C10orf90: variants seen among roughly 807,000 people sequenced by gnomAD.
C10orf90 encodes the protein (E2-independent) E3 ubiquitin-conjugating enzyme FATS.
In C10orf90, 56 loss-of-function variants were observed where a neutral mutation model predicts 62.5. The observed-to-expected ratio is 0.90, with a 90% CI of 0.72 to 1.12. The LOEUF (loss-of-function observed/expected upper bound fraction) is 1.12. Among genes scored for constraint, C10orf90 ranks in the 50% most tolerant of loss-of-function variants. The probability of loss-of-function intolerance (pLI) is 0.00; values close to 1 mark genes in which losing one functional copy is unlikely to be tolerated. For synonymous variants in C10orf90, 386 were observed against 340.4 expected (o/e 1.13, Z -1.47); for missense variants, 970 against 880.4 (o/e 1.10, Z -1.29).
intron 4 of C10orf90, among the ~76,000 whole-genome samples, chr10:126,490,004 TTATA>T (rs1171575687): frequency 1.1e-5 from 1 of 92,978 alleles, no homozygotes; most frequent in Admixed American, 1.6e-4. Flanking sequence ...ATATTATATA[TTATA>T]TATATTATAT....
rs79097746 is a variant in C10orf90 at position 126,506,121 on chromosome 10, C to G, written c.406-1036G>C. Reference sequence around the variant, plus strand: ...GCTGCATTTCAATGATCGGTTGTATCAGTTTTTGTCCAGTATTTTTAAATG... The same window carrying G: ...GCTGCATTTCAATGATCGGTTGTATGAGTTTTTGTCCAGTATTTTTAAATG... On this transcript the variant is annotated intron_variant, in intron 3 of 9. Coordinates refer to ENST00000488181, the MANE Select transcript of C10orf90 (RefSeq NM_001350921.2). 6.9e-3 allele frequency among the ~76,000 whole-genome samples: 1,047 copies of G among 152,336 alleles called. 11 individuals are homozygous for G. Among genetic ancestry groups the G allele is most frequent in the African/African-American group, 0.023 (976 of 41,580 alleles).
intron 4 of C10orf90, among the ~76,000 whole-genome samples, chr10:126,487,124 A>G (rs966271391): frequency 4.1e-5 from 6 of 145,684 alleles, no homozygotes; most frequent in African/African-American, 1.3e-4. Flanking sequence ...AGCCTGGGCA[A>G]CAACAGTAAA....
At position 126,459,033 on chromosome 10, in the gene C10orf90, A is replaced by T. The variant is rs769692094; in HGVS notation, c.2188+7T>A. ...TTTCCAGTCTCCACAAGCCACCTGC[A>T]GCTTACCACTCAGAGGATGGGGAAT... On this transcript the variant is annotated splice_region_variant and intron_variant, in intron 7 of 9. Transcript: ENST00000488181. 1.1e-5 allele frequency: 17 copies of T among 1,608,770 alleles called. No individual in the cohort carries two copies. In the African/African-American group the frequency reaches 2.0e-4, roughly 19 times the overall value.
chr10:126,647,541 G>A (rs1846196058), intron 1 of C10orf90, among the ~76,000 whole-genome samples: 1 of 152,202 alleles, frequency 6.6e-6, no homozygotes, highest in Non-Finnish European at 1.5e-5. Context: ...CCATCCCAAG[G>A]AGAAGTCTGG....
chr10:126,608,070 T>C (rs1477528146), intron 2 of C10orf90, among the ~76,000 whole-genome samples: 1 of 152,200 alleles, frequency 6.6e-6, no homozygotes, highest in Non-Finnish European at 1.5e-5. Flanking sequence ...TAGATGGTGG[T>C]CAATGTTGCA....
chr10:126,620,110 T>A (rs2133814536), intron 2 of C10orf90, among the ~76,000 whole-genome samples: 1 of 152,208 alleles, frequency 6.6e-6, no homozygotes, highest in South Asian at 2.1e-4. Flanking sequence ...TGAGCAAGAG[T>A]CCTCAATTTT....
intron 4 of C10orf90, among the ~76,000 whole-genome samples, chr10:126,494,034 C>G (rs917231539): frequency 3.3e-5 from 5 of 152,128 alleles, no homozygotes; most frequent in Non-Finnish European, 5.9e-5. Context: ...CTTACATGCA[C>G]AAGGATATTT....
intron 2 of C10orf90, among the ~76,000 whole-genome samples, chr10:126,528,932 G>A (rs933407691): frequency 6.6e-6 from 1 of 152,154 alleles, no homozygotes; most frequent in East Asian, 1.9e-4. Context: ...CGTAGCCAGG[G>A]ATCTGCCCTA....
At chr10:126,433,177 G>A (rs1341708568) in intron 7 of C10orf90, among the ~76,000 whole-genome samples, 1 of 152,130 alleles carries the variant, frequency 6.6e-6, no homozygotes, top group East Asian at 1.9e-4. Context: ...CAGGCTTTGG[G>A]TTTAAGCAAA....
intron 2 of C10orf90, 51 bp from the exon 3 acceptor site, chr10:126,513,990 A>C: frequency 7.8e-7 from 1 of 1,289,524 alleles, no homozygotes; most frequent in Non-Finnish European, 1.1e-6. Flanking sequence ...AAAGGATAAA[A>C]TGGAATATAT....
chr10:126,457,086 T>A (rs1859634038), intron 7 of C10orf90, among the ~76,000 whole-genome samples: 1 of 152,188 alleles, frequency 6.6e-6, no homozygotes, highest in Admixed American at 6.5e-5. Flanking sequence ...CTAGCGAAGC[T>A]CAGGTGATCC....
chr10:126,449,448 T>A (rs1009344315), intron 7 of C10orf90, among the ~76,000 whole-genome samples: 1 of 152,180 alleles, frequency 6.6e-6, no homozygotes, highest in African/African-American at 2.4e-5. Context: ...TGATGAAAAG[T>A]TGAAAGCTTT....
At chr10:126,438,045 C>T (rs888623359) in intron 7 of C10orf90, among the ~76,000 whole-genome samples, 1 of 152,218 alleles carries the variant, frequency 6.6e-6, no homozygotes, top group Admixed American at 6.5e-5. Flanking sequence ...ACTGACTCCA[C>T]TTTTTCCAGA....
rs373645835 is a variant in C10orf90, at chr10:126,622,828, A to G, written c.313+23737T>C. Among the ~76,000 whole-genome samples, 132 of 152,324 alleles carry G rather than the reference A, an allele frequency of 8.7e-4. 2 individuals carry two copies. Among genetic ancestry groups the G allele is most frequent in the Admixed American group, 5.4e-3 (82 of 15,306 alleles). ...TAGTCAGAAAGGCGCACATACTTCT[A>G]TTATGCAAAGAAACCTCAACAACCC... On this transcript the variant is annotated intron_variant, in intron 2 of 9. Coordinates refer to ENST00000488181, the MANE Select transcript of C10orf90 (RefSeq NM_001350921.2).
intron 1 of C10orf90, among the ~76,000 whole-genome samples, chr10:126,666,619 G>A (rs1037306657): frequency 4.6e-5 from 7 of 152,076 alleles, no homozygotes; most frequent in African/African-American, 7.2e-5. Flanking sequence ...ATGCCTTCAC[G>A]CTGCTCTGGG....
chr10:126,426,115 G>A, intron 8 of C10orf90, 25 bp from the exon 9 acceptor site: 1 of 1,587,188 alleles, frequency 6.3e-7, no homozygotes. Flanking sequence ...GAAAACATTT[G>A]GAATGGTAGC....
intron 2 of C10orf90, among the ~76,000 whole-genome samples, chr10:126,635,082 C>G (rs1845923492): frequency 6.6e-6 from 1 of 152,124 alleles, no homozygotes; most frequent in Non-Finnish European, 1.5e-5. Context: ...AGATTGTTTC[C>G]CAAGTCTCAT....
At chr10:126,527,210 C>T (rs957297123) in intron 2 of C10orf90, among the ~76,000 whole-genome samples, 1 of 152,154 alleles carries the variant, frequency 6.6e-6, no homozygotes, top group South Asian at 2.1e-4. Context: ...TTTCGCCAGC[C>T]TTCCTCACAG....
intron 2 of C10orf90, among the ~76,000 whole-genome samples, chr10:126,640,200 C>G (rs1055301847): frequency 1.3e-5 from 2 of 152,340 alleles, no homozygotes; most frequent in East Asian, 1.9e-4. Flanking sequence ...GAAGTAAACA[C>G]CAAGCAGACC....
Sources: allele counts gnomAD v4.1 joint callset (sites outside exome capture counted in the v4.1 genomes callset), GRCh38; gene constraint gnomAD v4.1.1; transcripts MANE v1.5; gene names NCBI Gene and HGNC (gene_info 2026-07-23, HGNC 2026-07-21).